The following DLGAP1 variants were observed in gnomAD, a reference collection of about 807,000 sequenced individuals.
DLGAP1 encodes disks large-associated protein 1.
Under a neutral mutation model 90.8 loss-of-function variants are expected in DLGAP1, and 11 were observed. That is an observed-to-expected ratio of 0.12 (90% confidence interval 0.08 to 0.20). The LOEUF (loss-of-function observed/expected upper bound fraction) is 0.20. Ranked by LOEUF, DLGAP1 falls within the 10% of genes least tolerant of loss-of-function variation. The probability of loss-of-function intolerance (pLI) is 1.00; values close to 1 mark genes in which losing one functional copy is unlikely to be tolerated. For missense variants in DLGAP1, 1,050 were observed against 1,333.8 expected, an observed-to-expected ratio of 0.79 and a Z score of 3.31; for synonymous variants, 558 against 540.7, an observed-to-expected ratio of 1.03 and a Z score of -0.44.
At chr18:4,400,931 T>C (rs1187866276) in intron 1 of DLGAP1, among the ~76,000 whole-genome samples, 1 of 152,136 alleles carries the variant, frequency 6.6e-6, no homozygotes, top group African/African-American at 2.4e-5. Context: ...CCTACTGAAG[T>C]TTACTTTTTG....
chr18:3,665,553 G>C (rs932389805), intron 7 of DLGAP1, among the ~76,000 whole-genome samples: 1 of 152,124 alleles, frequency 6.6e-6, no homozygotes, highest in African/African-American at 2.4e-5. Flanking sequence ...AAGTGCCCTT[G>C]TAATTTCCAT....
intron 1 of DLGAP1, among the ~76,000 whole-genome samples, chr18:4,410,591 A>G (rs1226585851): frequency 6.6e-6 from 1 of 152,160 alleles, no homozygotes; most frequent in Non-Finnish European, 1.5e-5. Flanking sequence ...TAAATTGCTT[A>G]AAACATTTTG....
intron 1 of DLGAP1, among the ~76,000 whole-genome samples, chr18:4,349,212 A>G (rs1006229317): frequency 6.6e-6 from 1 of 152,160 alleles, no homozygotes; most frequent in Non-Finnish European, 1.5e-5. Flanking sequence ...TAGCCTCTGC[A>G]GTATTCGTGC....
chr18:3,774,932 C>T lies in DLGAP1; in HGVS notation c.1173-32420G>A, dbSNP rs537651328. 4.6e-5 allele frequency among the ~76,000 whole-genome samples: 7 copies of T among 152,276 alleles called. No homozygotes were observed. In the South Asian group the frequency reaches 1.4e-3, roughly 32 times the overall value. ...ACCCCCTTCCTCCCACCACCTCCTG[C>T]ACTCCCTGCCTACTGTCCCTTTCCT... is the stretch of plus-strand genomic sequence containing the variant. On this transcript the variant is annotated intron_variant, in intron 5 of 12. Transcript: ENST00000315677.
At chr18:3,581,770 CTA>C in intron 8 of DLGAP1, 103 bp downstream of exon 8, 2 of 1,470,510 alleles carry the variant, frequency 1.4e-6, no homozygotes, top group Admixed American at 1.9e-5. Flanking sequence ...ATGCATAGAT[CTA>C]TGATTCCAAG....
chr18:4,334,265 A>C (rs948003669), intron 1 of DLGAP1, among the ~76,000 whole-genome samples: 1 of 151,710 alleles, frequency 6.6e-6, no homozygotes, highest in Admixed American at 6.6e-5. Flanking sequence ...ACAAAAAAAC[A>C]ACGCTCACCT....
chr18:3,664,337 T>G (rs2059805263), intron 7 of DLGAP1, among the ~76,000 whole-genome samples: 1 of 152,140 alleles, frequency 6.6e-6, no homozygotes. Context: ...AAATTCCTGA[T>G]TCAAAATCAT....
In DLGAP1 at chr18:3,580,052, G is replaced by A. The variant is rs1212034490; in HGVS notation, c.1965+1823C>T. On this transcript the variant is annotated intron_variant, in intron 8 of 12. Transcript: ENST00000315677. ...TAGAAATGTGCGTTAGGAATTAAAA[G>A]CACCTCATGTTTGATTGTGTTCATG... 5 of 675,200 alleles carry A rather than the reference G, an allele frequency of 7.4e-6. No homozygotes were observed. In the South Asian group the frequency reaches 9.5e-5, roughly 13 times the overall value. The allele number at this position is 675,200 out of a possible 1,614,324, so 41.8% of individuals were successfully genotyped here. A position where few individuals can be genotyped will look rare whatever the true frequency, so the allele number is the denominator to read the frequency against.
chr18:4,438,345 T>C (rs2083450801), intron 1 of DLGAP1, among the ~76,000 whole-genome samples: 2 of 137,416 alleles, frequency 1.5e-5, no homozygotes, highest in Admixed American at 8.7e-5. Context: ...CATTTCAGAA[T>C]GGTGTGAACC....
intron 2 of DLGAP1, among the ~76,000 whole-genome samples, chr18:4,096,410 T>C (rs1464393814): frequency 6.6e-6 from 1 of 152,222 alleles, no homozygotes; most frequent in African/African-American, 2.4e-5. Flanking sequence ...TCATGGCCTG[T>C]GAAAATGTAA....
chr18:3,993,504 T>C (rs2074008965), intron 3 of DLGAP1, among the ~76,000 whole-genome samples: 1 of 151,282 alleles, frequency 6.6e-6, no homozygotes, highest in Non-Finnish European at 1.5e-5. Context: ...GTAAAAATCA[T>C]GAAGGGGAGA....
intron 2 of DLGAP1, among the ~76,000 whole-genome samples, chr18:4,126,371 T>G (rs183249045): frequency 7.7e-4 from 118 of 152,322 alleles, no homozygotes; most frequent in Non-Finnish European, 1.6e-3. Context: ...ATCACATCTC[T>G]CAGGAAAATA....
chr18:3,979,453 C>A (rs1469062107), intron 3 of DLGAP1, among the ~76,000 whole-genome samples: 1 of 258 alleles, frequency 3.9e-3, no homozygotes, highest in Non-Finnish European at 9.1e-3. Flanking sequence ...GAATGTACTC[C>A]CATGATTGAC....
intron 1 of DLGAP1, among the ~76,000 whole-genome samples, chr18:4,410,711 A>C (rs2144607172): frequency 6.6e-6 from 1 of 152,248 alleles, no homozygotes; most frequent in South Asian, 2.1e-4. Context: ...TATAATCAAA[A>C]GATGGAATCA....
intron 2 of DLGAP1, among the ~76,000 whole-genome samples, chr18:4,034,288 C>T (rs531621635): frequency 4.5e-4 from 69 of 152,160 alleles, no homozygotes; most frequent in Middle Eastern, 6.8e-3. Flanking sequence ...ATGATCCACC[C>T]GCCTTGGCCT....
At chr18:3,701,459 A>C (rs1044720336) in intron 7 of DLGAP1, among the ~76,000 whole-genome samples, 3 of 152,208 alleles carry the variant, frequency 2.0e-5, no homozygotes, top group Non-Finnish European at 4.4e-5. Context: ...TAGGAGAATG[A>C]CAGTGCTGCA....
intron 7 of DLGAP1, among the ~76,000 whole-genome samples, chr18:3,595,527 T>A (rs1260449308): frequency 6.6e-6 from 1 of 151,970 alleles, no homozygotes; most frequent in Non-Finnish European, 1.5e-5. Flanking sequence ...TAGACAGACA[T>A]TTGGCTAGTA....
At chr18:3,551,399 C>T (rs1456131583) in intron 9 of DLGAP1, among the ~76,000 whole-genome samples, 3 of 151,768 alleles carry the variant, frequency 2.0e-5, no homozygotes, top group African/African-American at 7.3e-5. Context: ...CAGGTGCCCA[C>T]CATCATGACC....
At chr18:4,449,122 AG>A (rs2083748895) in intron 1 of DLGAP1, among the ~76,000 whole-genome samples, 1 of 152,318 alleles carries the variant, frequency 6.6e-6, no homozygotes, top group Non-Finnish European at 1.5e-5. Context: ...AGACACAAAA[AG>A]GAGAACTCAA....
Sources: gnomAD v4.1 joint callset for allele counts (sites outside exome capture counted in the v4.1 genomes callset) on GRCh38, gnomAD v4.1.1 for gene constraint, MANE v1.5 for transcripts, NCBI Gene and HGNC (gene_info 2026-07-23, HGNC 2026-07-21) for gene names.